Variants in NKAIN2 observed in about 807,000 individuals in gnomAD.
NKAIN2 encodes sodium/potassium transporting ATPase interacting 2, also known as sodium/potassium-transporting ATPase subunit beta-1-interacting protein 2.
Under a neutral mutation model 32.6 loss-of-function variants are expected in NKAIN2, and 14 were observed. The observed-to-expected ratio is 0.43, with a 90% CI of 0.28 to 0.67. The LOEUF (loss-of-function observed/expected upper bound fraction) is 0.67. Among genes scored for constraint, NKAIN2 ranks in the 30% least tolerant of loss-of-function variants. The pLI is 0.17. For missense variants in NKAIN2, 198 were observed against 258.3 expected, an observed-to-expected ratio of 0.77 and a Z score of 1.60; for synonymous variants, 80 against 87.2, an observed-to-expected ratio of 0.92 and a Z score of 0.46.
chr6:124,314,353 T>C (rs939519789), intron 2 of NKAIN2, among the ~76,000 whole-genome samples: 3 of 152,126 alleles, frequency 2.0e-5, no homozygotes, highest in African/African-American at 7.2e-5. Context: ...CTAAACTAAT[T>C]TCCACTAAAC....
rs186057154 is a variant in NKAIN2, at chr6:124,661,871, C to T, written c.474+3485C>T. ...TCAATTGGGGAGATATTATTGTTCA[C>T]GTTACAGAAAAATTAATCGGATCCT... is the stretch of plus-strand genomic sequence containing the variant. On this transcript the variant is annotated intron_variant, in intron 4 of 6. Coordinates refer to ENST00000368417, the MANE Select transcript of NKAIN2 (RefSeq NM_001040214.3). Among the ~76,000 whole-genome samples, 39 of 144,648 alleles carry T rather than the reference C, an allele frequency of 2.7e-4. 1 individual carries two copies. In the East Asian group the frequency reaches 4.0e-3, roughly 15 times the overall value. The allele number at this position is 144,648 out of a possible 152,430, so 94.9% of individuals were successfully genotyped here. A position where few individuals can be genotyped will look rare whatever the true frequency, so the allele number is the denominator to read the frequency against.
At chr6:124,192,939 C>T (rs1033999255) in intron 1 of NKAIN2, among the ~76,000 whole-genome samples, 16 of 151,814 alleles carry the variant, frequency 1.1e-4, no homozygotes, top group African/African-American at 2.9e-4. Context: ...TTAGTAGAGA[C>T]GGGGTTTCAC....
chr6:124,732,499 A>G (rs1052209467), intron 4 of NKAIN2, among the ~76,000 whole-genome samples: 1 of 152,072 alleles, frequency 6.6e-6, no homozygotes, highest in Non-Finnish European at 1.5e-5. Flanking sequence ...ACATTAGCTC[A>G]TTTAATCTTT....
chr6:124,472,991 G>C (rs1157868892), intron 3 of NKAIN2, among the ~76,000 whole-genome samples: 1 of 152,124 alleles, frequency 6.6e-6, no homozygotes, highest in Non-Finnish European at 1.5e-5. Flanking sequence ...CTGGAGAATA[G>C]CAGGACTCAC....
intron 1 of NKAIN2, among the ~76,000 whole-genome samples, chr6:123,961,750 CT>C (rs1407034449): frequency 1.3e-5 from 2 of 152,076 alleles, no homozygotes; most frequent in Non-Finnish European, 2.9e-5. Context: ...GGGAATGAAG[CT>C]TTTCCCCCTT....
At chr6:124,506,017 C>CA (rs1195298723) in intron 3 of NKAIN2, among the ~76,000 whole-genome samples, 2 of 151,764 alleles carry the variant, frequency 1.3e-5, no homozygotes, top group Non-Finnish European at 2.9e-5. Flanking sequence ...ACTAAAAATA[C>CA]AAAAAATAAA....
At chr6:124,140,618 C>G (rs957408340) in intron 1 of NKAIN2, among the ~76,000 whole-genome samples, 3 of 152,168 alleles carry the variant, frequency 2.0e-5, no homozygotes, top group African/African-American at 7.2e-5. Context: ...GCTAGGACAT[C>G]AGAATCTTAA....
chr6:124,704,647 G>C lies in NKAIN2; in HGVS notation c.474+46261G>C, dbSNP rs565669402. Among the ~76,000 whole-genome samples, 70 of 104,496 alleles carry C rather than the reference G, an allele frequency of 6.7e-4. 2 individuals carry two copies. The East Asian group carries it at 0.03, about 45-fold the overall frequency. The allele number at this position is 104,496 out of a possible 152,430, so 68.6% of individuals were successfully genotyped here. A position where few individuals can be genotyped will look rare whatever the true frequency, so the allele number is the denominator to read the frequency against. The stretch of plus-strand genomic sequence containing the variant: ...GAGAGAGGAGTGAGAAAGAGACAGA[G>C]AGAGAGAGAGAGAGACGTGCATATG... On this transcript the variant is annotated intron_variant, in intron 4 of 6. Transcript: ENST00000368417.
At chr6:123,953,983 A>C (rs1777447456) in intron 1 of NKAIN2, among the ~76,000 whole-genome samples, 1 of 152,180 alleles carries the variant, frequency 6.6e-6, no homozygotes, top group Admixed American at 6.5e-5. Flanking sequence ...TTTGCACTTA[A>C]AGTGCTTGAA....
chr6:124,384,122 A>G (rs1227836759), intron 3 of NKAIN2, among the ~76,000 whole-genome samples: 1 of 152,134 alleles, frequency 6.6e-6, no homozygotes, highest in Non-Finnish European at 1.5e-5. Flanking sequence ...TCTTCGTTGT[A>G]CTTATCACTC....
chr6:124,436,739 C>T (rs1317036707), intron 3 of NKAIN2, among the ~76,000 whole-genome samples: 1 of 152,178 alleles, frequency 6.6e-6, no homozygotes, highest in Non-Finnish European at 1.5e-5. Context: ...TGTCTGGCCT[C>T]TCACTGGTTC....
chr6:124,379,359 G>A (rs1436086539), intron 3 of NKAIN2, among the ~76,000 whole-genome samples: 22 of 147,978 alleles, frequency 1.5e-4, no homozygotes. Context: ...AGAAGGGAGA[G>A]AGAAAGGAGA....
intron 1 of NKAIN2, among the ~76,000 whole-genome samples, chr6:123,889,583 C>G (rs2114366242): frequency 6.6e-6 from 1 of 152,198 alleles, no homozygotes; most frequent in African/African-American, 2.4e-5. Context: ...GAGTATCACC[C>G]TACATTTTAA....
At chr6:124,664,276 A>G (rs896012784) in intron 4 of NKAIN2, among the ~76,000 whole-genome samples, 3 of 151,918 alleles carry the variant, frequency 2.0e-5, no homozygotes, top group African/African-American at 7.3e-5. Flanking sequence ...CTCTGTCTCA[A>G]AAAAAAGAAA....
chr6:124,590,291 G>C (rs554708912), intron 3 of NKAIN2, among the ~76,000 whole-genome samples: 21 of 152,266 alleles, frequency 1.4e-4, no homozygotes, highest in African/African-American at 4.8e-4. Flanking sequence ...GTAATGAACC[G>C]GAATTGCCAG....
chr6:124,627,268 T>G (rs369212396), intron 3 of NKAIN2, among the ~76,000 whole-genome samples: 4 of 151,742 alleles, frequency 2.6e-5, no homozygotes, highest in South Asian at 4.2e-4. Context: ...AGACACGGTC[T>G]CAAAAAAAAA....
intron 1 of NKAIN2, among the ~76,000 whole-genome samples, chr6:124,242,838 T>G: frequency 7.3e-6 from 1 of 137,444 alleles, no homozygotes. Flanking sequence ...AGTTGAACAA[T>G]GAGAACGCAT....
At chr6:124,259,642 G>A (rs983972114) in intron 1 of NKAIN2, among the ~76,000 whole-genome samples, 17 of 152,108 alleles carry the variant, frequency 1.1e-4, no homozygotes, top group Admixed American at 3.3e-4. Context: ...GAAGAACACA[G>A]GGAAAAACAG....
chr6:124,476,262 G>A (rs962442218), intron 3 of NKAIN2, among the ~76,000 whole-genome samples: 3 of 152,026 alleles, frequency 2.0e-5, no homozygotes, highest in East Asian at 1.9e-4. Context: ...TTTCTAAGCT[G>A]TGTTTTGCCT....
Sources: allele counts gnomAD v4.1 joint callset (sites outside exome capture counted in the v4.1 genomes callset), GRCh38; gene constraint gnomAD v4.1.1; transcripts MANE v1.5; gene names NCBI Gene and HGNC (gene_info 2026-07-23, HGNC 2026-07-21).